Variants in RSRC1 observed in about 807,000 individuals in gnomAD.
RSRC1 encodes arginine and serine rich coiled-coil 1.
Under a neutral mutation model 49.1 loss-of-function variants are expected in RSRC1, and 39 were observed. The observed-to-expected ratio is 0.79, with a 90% confidence interval of 0.61 to 1.04. The LOEUF (loss-of-function observed/expected upper bound fraction) is 1.04, where lower values mean the gene tolerates loss of function less well. RSRC1 is among the 50% of genes least tolerant of loss of function. The pLI is 0.00. For missense variants in RSRC1, 388 were observed against 402.4 expected (o/e 0.96, Z 0.31); for synonymous variants, 143 against 130.8 (o/e 1.09, Z -0.63).
chr3:158,386,473 A>G (rs1489236664), intron 6 of RSRC1, among the ~76,000 whole-genome samples: 1 of 152,120 alleles, frequency 6.6e-6, no homozygotes, highest in Non-Finnish European at 1.5e-5. Context: ...TTCCACCTTA[A>G]AAAAAGCTCT....
At chr3:158,135,865 C>T (rs1048789762) in intron 3 of RSRC1, among the ~76,000 whole-genome samples, 3 of 152,118 alleles carry the variant, frequency 2.0e-5, no homozygotes, top group Non-Finnish European at 4.4e-5. Flanking sequence ...TGCCTCTGCT[C>T]AAAATGTACT....
At chr3:158,515,039 A>C (rs1274282723) in intron 7 of RSRC1, among the ~76,000 whole-genome samples, 1 of 150,462 alleles carries the variant, frequency 6.6e-6, no homozygotes, top group African/African-American at 2.5e-5. Flanking sequence ...TTTCCTGAAT[A>C]CAGCACACTG....
At chr3:158,269,841 T>A (rs2108052527) in intron 4 of RSRC1, among the ~76,000 whole-genome samples, 1 of 152,280 alleles carries the variant, frequency 6.6e-6, no homozygotes, top group Middle Eastern at 3.4e-3. Context: ...AAGGAGTTAT[T>A]CCCTTATTTT....
chr3:158,164,923 T>G (rs2108229868), intron 3 of RSRC1, among the ~76,000 whole-genome samples: 1 of 152,286 alleles, frequency 6.6e-6, no homozygotes, highest in South Asian at 2.1e-4. Flanking sequence ...GTTTTAAGAT[T>G]ATTGATTGGA....
intron 5 of RSRC1, among the ~76,000 whole-genome samples, chr3:158,341,390 G>C (rs945844027): frequency 6.6e-6 from 1 of 152,044 alleles, no homozygotes; most frequent in Non-Finnish European, 1.5e-5. Context: ...TTCGTGCCCT[G>C]TGTCCCAGCC....
intron 7 of RSRC1, among the ~76,000 whole-genome samples, chr3:158,475,060 G>A (rs1005015951): frequency 7.2e-5 from 11 of 151,948 alleles, no homozygotes; most frequent in African/African-American, 1.9e-4. Context: ...GACGACAGGC[G>A]AGCATCATCA....
chr3:158,466,719 G>T (rs1737905450), intron 7 of RSRC1, among the ~76,000 whole-genome samples: 1 of 152,160 alleles, frequency 6.6e-6, no homozygotes, highest in South Asian at 2.1e-4. Context: ...TGGGGAACAT[G>T]ATAAAAGCTG....
At chr3:158,464,670 A>G (rs940762757) in intron 7 of RSRC1, among the ~76,000 whole-genome samples, 1 of 152,152 alleles carries the variant, frequency 6.6e-6, no homozygotes, top group Non-Finnish European at 1.5e-5. Flanking sequence ...TTCTTTCTTA[A>G]TAATCATTCA....
chr3:158,543,585 G>A (rs1713159633), intron 9 of RSRC1, 98 bp downstream of exon 9: 1 of 1,252,236 alleles, frequency 8.0e-7, no homozygotes, highest in Non-Finnish European at 1.1e-6. Flanking sequence ...GAGACCATTG[G>A]AGGAAACAGG....
At chr3:158,293,432 AC>A (rs1727059630) in intron 4 of RSRC1, among the ~76,000 whole-genome samples, 1 of 151,706 alleles carries the variant, frequency 6.6e-6, no homozygotes, top group South Asian at 2.1e-4. Flanking sequence ...TTTTTGGGAA[AC>A]CCTTCTGAAT....
intron 4 of RSRC1, among the ~76,000 whole-genome samples, chr3:158,260,418 C>T (rs567757923): frequency 3.9e-5 from 6 of 152,142 alleles, no homozygotes; most frequent in Non-Finnish European, 7.4e-5. Flanking sequence ...CTGCTGTGGC[C>T]GAGTTGGTAT....
At chr3:158,380,435 C>T (rs78208354) in intron 6 of RSRC1, among the ~76,000 whole-genome samples, 2,854 of 152,176 alleles carry the variant, frequency 0.019, 69 homozygotes, top group African/African-American at 0.066. Context: ...TGTAAATAGC[C>T]ACTGCACTCC....
At chr3:158,360,647 A>G (rs1267033807) in intron 6 of RSRC1, among the ~76,000 whole-genome samples, 1 of 152,192 alleles carries the variant, frequency 6.6e-6, no homozygotes, top group Non-Finnish European at 1.5e-5. Context: ...ATGCTGCCCC[A>G]TGCATGCAGT....
chr3:158,169,671 AC>A (rs1718755974), intron 3 of RSRC1, among the ~76,000 whole-genome samples: 1 of 152,044 alleles, frequency 6.6e-6, no homozygotes, highest in African/African-American at 2.4e-5. Context: ...CTTGGCCCTA[AC>A]CCCATCTGCT....
In RSRC1 at chr3:158,198,774, C is replaced by G. The variant is rs180713358; in HGVS notation, c.321-4298C>G. 1.0e-3 allele frequency among the ~76,000 whole-genome samples: 157 copies of G among 152,256 alleles called. 1 individual carries two copies. The highest frequency in any genetic ancestry group is 3.5e-3 in the African/African-American group (147 of 41,556). ...CGTCACTCATGCTGGGAGATGTAGA[C>G]TGGAGCTGTTCGTATTCGGCCATCT... On this transcript the variant is annotated intron_variant, in intron 3 of 9. Transcript: ENST00000611884.
intron 6 of RSRC1, among the ~76,000 whole-genome samples, chr3:158,422,620 T>C (rs1735143310): frequency 1.3e-5 from 2 of 150,474 alleles, no homozygotes; most frequent in Admixed American, 6.6e-5. Flanking sequence ...CAAATGGTAT[T>C]TCTAGTTCTA....
intron 3 of RSRC1, among the ~76,000 whole-genome samples, chr3:158,183,971 T>C (rs1271220193): frequency 6.6e-6 from 1 of 152,172 alleles, no homozygotes; most frequent in African/African-American, 2.4e-5. Context: ...TGCTAGGTGC[T>C]ACTGGGGTGG....
intron 4 of RSRC1, among the ~76,000 whole-genome samples, chr3:158,246,467 G>T (rs1013840520): frequency 2.7e-5 from 4 of 150,716 alleles, no homozygotes; most frequent in Non-Finnish European, 5.9e-5. Context: ...TGGTTTTTTT[G>T]CAGACTTGTT....
At chr3:158,268,326 C>T (rs557945874) in intron 4 of RSRC1, among the ~76,000 whole-genome samples, 4 of 152,228 alleles carry the variant, frequency 2.6e-5, no homozygotes, top group African/African-American at 9.6e-5. Flanking sequence ...TTGCTGGATT[C>T]CCTGAAAATT....
Sources: allele counts gnomAD v4.1 joint callset (sites outside exome capture counted in the v4.1 genomes callset), GRCh38; gene constraint gnomAD v4.1.1; transcripts MANE v1.5; gene names NCBI Gene and HGNC (gene_info 2026-07-23, HGNC 2026-07-21).